ZNF280B: variants seen among roughly 807,000 people sequenced by gnomAD.
ZNF280B encodes suppressor of hairy wing homolog 2.
ZNF280B carries 16 observed loss-of-function variants against 38.0 expected under a neutral mutation model. The observed-to-expected ratio is 0.42, with a 90% confidence interval of 0.28 to 0.64. The LOEUF (loss-of-function observed/expected upper bound fraction) is 0.64. Ranked by LOEUF, ZNF280B falls within the 30% of genes least tolerant of loss-of-function variation. The pLI is 0.21. For missense variants in ZNF280B, 581 were observed against 639.6 expected, an observed-to-expected ratio of 0.91 and a Z score of 0.99; for synonymous variants, 253 against 230.6, an observed-to-expected ratio of 1.10 and a Z score of -0.88.
intron 2 of ZNF280B, among the ~76,000 whole-genome samples, chr22:22,506,554 C>G (rs971145546): frequency 2.0e-5 from 3 of 151,704 alleles, no homozygotes; most frequent in South Asian, 4.2e-4. Flanking sequence ...ACGGACAACT[C>G]TGGAGAAATT....
rs778341916 is a variant in ZNF280B, at chr22:22,487,730, G to C, written c.*37C>G. Reference sequence around the variant, plus strand: ...TTGTTTTATGAGGTTTTTTAATTTGGTTTGAAATACTTGCTTTAGATTTAC... The same window carrying C: ...TTGTTTTATGAGGTTTTTTAATTTGCTTTGAAATACTTGCTTTAGATTTAC... On this transcript the variant is annotated 3_prime_UTR_variant, in exon 4 of 4. Transcript: ENST00000626650. 1 of 1,518,894 alleles carries C rather than the reference G, an allele frequency of 6.6e-7. No homozygotes were observed. Among genetic ancestry groups the C allele is most frequent in the Admixed American group, 2.3e-5 (1 of 43,320 alleles). The allele number at this position is 1,518,894 out of a possible 1,614,324, so 94.1% of individuals were successfully genotyped here.
At chr22:22,502,071 G>A (rs750052023) in intron 2 of ZNF280B, among the ~76,000 whole-genome samples, 1 of 151,888 alleles carries the variant, frequency 6.6e-6, no homozygotes, top group Non-Finnish European at 1.5e-5. Context: ...ATGTTGCAGT[G>A]GGCCATAATT....
chr22:22,488,534 A>G lies in ZNF280B; in HGVS notation c.865T>C (p.Tyr289His). The G allele has an allele frequency of 6.2e-7, 1 of 1,613,948 alleles. No individual in the cohort carries two copies. Among genetic ancestry groups the G allele is most frequent in the Non-Finnish European group, 8.5e-7 (1 of 1,179,988 alleles). Residue 289 changes from tyrosine to histidine, a missense_variant, in exon 4 of 4, where the codon TAC becomes CAC. Coordinates refer to ENST00000626650, the MANE Select transcript of ZNF280B (RefSeq NM_080764.4). ...CCTTCTCCTTTATGCTGTCCATAGT[A>G]AAAGTCACTAAGTAACACAATGGGA... ...ENPIVLLSDF[Y>H]YGQHKGEGQP... is the part of the protein sequence containing the mutation.
In ZNF280B at chr22:22,488,672, T is replaced by C. The variant is rs773196159; in HGVS notation, c.727A>G (p.Asn243Asp). ...APFPAAFPKD[N>D]IHFKPINTNL... ...GTATTTATAGGCTTGAAATGGATATTGTCCTTTGGAAAAGCTGCTGGAAAA... is the reference window on the plus strand; with the variant it reads ...GTATTTATAGGCTTGAAATGGATATCGTCCTTTGGAAAAGCTGCTGGAAAA... Residue 243 changes from asparagine (N) to aspartate (D), a missense_variant, in exon 4 of 4, where the codon AAT (asparagine) becomes GAT (aspartate). Transcript: ENST00000626650. 9 of 1,613,792 alleles carry C rather than the reference T, an allele frequency of 5.6e-6. No homozygotes were observed. The highest frequency in any genetic ancestry group is 7.6e-6 in the Non-Finnish European group (9 of 1,179,990).
intron 2 of ZNF280B, among the ~76,000 whole-genome samples, chr22:22,500,365 T>TTATATA (rs58002237): frequency 6.7e-6 from 1 of 149,660 alleles, no homozygotes; most frequent in East Asian, 2.0e-4. Flanking sequence ...AAACAAAATA[T>TTATATA]TATATATATA....
rs747096716 is a variant in ZNF280B at position 22,489,288 on chromosome 22, A to G, written c.111T>C (p.His37=). The G allele has an allele frequency of 6.2e-7, 1 of 1,613,830 alleles. No homozygotes were observed. The highest frequency in any genetic ancestry group is 8.5e-7 in the Non-Finnish European group (1 of 1,179,962). Residue 37 remains histidine, a synonymous_variant, in exon 4 of 4, where the codon CAT becomes CAC. Transcript: ENST00000626650. ...AGATTAGCTCAGCATCTTCATTTACATGTTCCACACCAACAAAGATGAGCT... is the reference window on the plus strand; with the variant it reads ...AGATTAGCTCAGCATCTTCATTTACGTGTTCCACACCAACAAAGATGAGCT... ...DAELIFVGVE[H]VNEDAELIFV... is the part of the protein sequence containing the mutation.
chr22:22,508,280 G>GT (rs2061980175), intron 1 of ZNF280B, among the ~76,000 whole-genome samples: 1 of 151,934 alleles, frequency 6.6e-6, no homozygotes. Context: ...TTACAAAGCA[G>GT]TTTTCAGATT....
At position 22,486,550 on chromosome 22, in the gene ZNF280B, G is replaced by A. The variant is rs1280604286; in HGVS notation, c.*1217C>T. On this transcript the variant is annotated 3_prime_UTR_variant, in exon 4 of 4. Transcript: ENST00000626650. ...TTCTCCACTAACGGCTAGCCAGAAGGGAGAGGAGAGGGAATGAATCAAATT... is the reference window on the plus strand; with the variant it reads ...TTCTCCACTAACGGCTAGCCAGAAGAGAGAGGAGAGGGAATGAATCAAATT... 2 of 152,380 alleles carry A rather than the reference G, an allele frequency of 1.3e-5. No homozygotes were observed. The highest frequency in any genetic ancestry group is 1.3e-4 in the Admixed American group (2 of 15,256). The allele number at this position is 152,380 out of a possible 1,614,324, so 9.4% of individuals were successfully genotyped here. A position where few individuals can be genotyped will look rare whatever the true frequency, so the allele number is the denominator to read the frequency against.
chr22:22,488,613 T>C lies in ZNF280B; in HGVS notation c.786A>G (p.Thr262=), dbSNP rs778233003. The C allele has an allele frequency of 6.2e-7, 1 of 1,613,798 alleles. No individual in the cohort carries two copies. Among genetic ancestry groups the C allele is most frequent in the African/African-American group, 1.3e-5 (1 of 74,870 alleles). ...NLDRANELAK[T]DILSLTSQNK... Reference sequence around the variant, plus strand: ...TTTGACTTGTTAGACTCAAAATGTCTGTTTTTGCCAATTCATTTGCCCTAT... The same window carrying C: ...TTTGACTTGTTAGACTCAAAATGTCCGTTTTTGCCAATTCATTTGCCCTAT... Residue 262 remains threonine, a synonymous_variant, in exon 4 of 4, where the codon ACA becomes ACG. Transcript: ENST00000626650.
In ZNF280B at chr22:22,488,521, T is replaced by C. The variant is rs1394543874; in HGVS notation, c.878A>G (p.His293Arg). Residue 293 changes from histidine to arginine, a missense_variant, in exon 4 of 4, where the codon CAT becomes CGT. Coordinates refer to ENST00000626650, the MANE Select transcript of ZNF280B (RefSeq NM_080764.4). ...VLLSDFYYGQ[H>R]KGEGQPEQKT... ...CTGTTCCGGCTGCCCTTCTCCTTTATGCTGTCCATAGTAAAAGTCACTAAG... is the reference window on the plus strand; with the variant it reads ...CTGTTCCGGCTGCCCTTCTCCTTTACGCTGTCCATAGTAAAAGTCACTAAG... 2 of 1,613,974 alleles carry C rather than the reference T, an allele frequency of 1.2e-6. No homozygotes were observed. Among genetic ancestry groups the C allele is most frequent in the Admixed American group, 3.3e-5 (2 of 59,988 alleles).
chr22:22,487,924 A>C lies in ZNF280B; in HGVS notation c.1475T>G (p.Leu492Arg), dbSNP rs1251465503. The C allele has an allele frequency of 6.2e-7, 1 of 1,613,776 alleles. No individual in the cohort carries two copies. The highest frequency in any genetic ancestry group is 2.2e-5 in the East Asian group (1 of 44,788). The change falls in exon 4 of 4, where the codon CTA (leucine) becomes CGA (arginine). Residue 492 changes from leucine (L) to arginine (R), a missense_variant. By Grantham distance (102) the Leu-to-Arg change is moderately radical. Transcript: ENST00000626650. ...TTTTGTTTCAGGAGGTAATCCTTCTAGTTGCTTAGGCTTCTTAAACATTTG... is the reference window on the plus strand; with the variant it reads ...TTTTGTTTCAGGAGGTAATCCTTCTCGTTGCTTAGGCTTCTTAAACATTTG... ...CHQMFKKPKQ[L>R]EGLPPETKVT... is the part of the protein sequence containing the mutation.
intron 2 of ZNF280B, among the ~76,000 whole-genome samples, chr22:22,504,834 A>G (rs2061901908): frequency 6.6e-6 from 1 of 151,974 alleles, no homozygotes; most frequent in Admixed American, 6.6e-5. Context: ...GCATCAAGGT[A>G]GTATTTGAGA....
intron 2 of ZNF280B, among the ~76,000 whole-genome samples, chr22:22,499,259 TTTTTAA>T (rs976075811): frequency 8.6e-5 from 13 of 151,840 alleles, no homozygotes; most frequent in Admixed American, 7.2e-4. Flanking sequence ...ATTTTTATTA[TTTTTAA>T]TTTTAATTTT....
chr22:22,506,193 A>G (rs2061935590), intron 2 of ZNF280B, among the ~76,000 whole-genome samples: 2 of 151,940 alleles, frequency 1.3e-5, no homozygotes, highest in South Asian at 4.2e-4. Flanking sequence ...TTCAGTATGT[A>G]GCATTATTTA....
intron 2 of ZNF280B, among the ~76,000 whole-genome samples, chr22:22,498,078 T>C (rs1281680856): frequency 6.6e-6 from 1 of 152,056 alleles, no homozygotes; most frequent in Admixed American, 6.6e-5. Flanking sequence ...CCTGAAAATA[T>C]ACCATGTAAA....
chr22:22,502,157 T>C (rs1372101537), intron 2 of ZNF280B, among the ~76,000 whole-genome samples: 1 of 151,784 alleles, frequency 6.6e-6, no homozygotes, highest in African/African-American at 2.4e-5. Context: ...GGGCGAAGGA[T>C]TTGAACACTT....
intron 2 of ZNF280B, among the ~76,000 whole-genome samples, chr22:22,497,514 T>C (rs2061726104): frequency 6.6e-6 from 1 of 151,794 alleles, no homozygotes; most frequent in Non-Finnish European, 1.5e-5. Context: ...AAAAGTGGTC[T>C]GATAGTTCAG....
At chr22:22,498,476 C>T (rs145385928) in intron 2 of ZNF280B, among the ~76,000 whole-genome samples, 2 of 151,758 alleles carry the variant, frequency 1.3e-5, no homozygotes, top group African/African-American at 4.8e-5. Context: ...ATTAGATAAC[C>T]TAGATGAAAC....
Position 22,488,057 on chromosome 22 carries a change from T to C in ZNF280B, c.1342A>G (p.Met448Val), listed in dbSNP as rs771123141. The change falls in exon 4 of 4, where the codon ATG becomes GTG. Residue 448 changes from methionine (M) to valine (V), a missense_variant. Coordinates refer to ENST00000626650, the MANE Select transcript of ZNF280B (RefSeq NM_080764.4). The part of the protein sequence containing the change: ...LKIFKTATPY[M>V]CHYRGHWGKS... ...CCCCAGTGGCCCCTATAATGACACATGTATGGTGTTGCTGTTTTGAAAATT... is the reference window on the plus strand; with the variant it reads ...CCCCAGTGGCCCCTATAATGACACACGTATGGTGTTGCTGTTTTGAAAATT... The C allele has an allele frequency of 1.2e-6, 2 of 1,613,904 alleles. No homozygotes were observed. The highest frequency in any genetic ancestry group is 2.2e-5 in the East Asian group (1 of 44,812).
Sources: gnomAD v4.1 joint callset for allele counts (sites outside exome capture counted in the v4.1 genomes callset) on GRCh38, gnomAD v4.1.1 for gene constraint, MANE v1.5 for transcripts, NCBI Gene and HGNC (gene_info 2026-07-23, HGNC 2026-07-21) for gene names.